Variants in LDB2 observed in about 807,000 individuals in gnomAD.
LDB2 encodes LIM domain-binding protein 2.
Under a neutral mutation model 44.3 loss-of-function variants are expected in LDB2, and 12 were observed. The observed-to-expected ratio is 0.27, with a 90% CI of 0.17 to 0.44. The LOEUF is 0.44. Among genes scored for constraint, LDB2 ranks in the 20% least tolerant of loss-of-function variants. The pLI is 1.00. For synonymous variants in LDB2, 164 were observed against 174.8 expected (o/e 0.94, Z 0.49); for missense variants, 344 against 473.5 (o/e 0.73, Z 2.54).
intron 1 of LDB2, among the ~76,000 whole-genome samples, chr4:16,760,482 T>G (rs57152706): frequency 6.6e-6 from 1 of 152,102 alleles, no homozygotes; most frequent in Non-Finnish European, 1.5e-5. Context: ...CCAATCACCA[T>G]AGCAAAAGCC....
intron 2 of LDB2, among the ~76,000 whole-genome samples, chr4:16,742,105 C>G (rs558420043): frequency 2.2e-5 from 3 of 134,636 alleles, no homozygotes; most frequent in Non-Finnish European, 4.6e-5. Context: ...GAGTGTCTCA[C>G]TCTGTTGCCA....
At chr4:16,689,348 G>A (rs559845358) in intron 2 of LDB2, among the ~76,000 whole-genome samples, 2 of 152,220 alleles carry the variant, frequency 1.3e-5, no homozygotes, top group Non-Finnish European at 2.9e-5. Flanking sequence ...AATTCCTACC[G>A]ATTCCTTAAG....
chr4:16,746,101 T>C (rs1764331991), intron 2 of LDB2, among the ~76,000 whole-genome samples: 1 of 152,188 alleles, frequency 6.6e-6, no homozygotes, highest in African/African-American at 2.4e-5. Context: ...ATATTGACCA[T>C]GGGCCTTTCT....
At chr4:16,603,449 C>T (rs1306842476) in intron 2 of LDB2, among the ~76,000 whole-genome samples, 1 of 152,082 alleles carries the variant, frequency 6.6e-6, no homozygotes, top group African/African-American at 2.4e-5. Flanking sequence ...GGTATATTCC[C>T]GTGATCTAGG....
chr4:16,816,260 A>G (rs2109915166), intron 1 of LDB2, among the ~76,000 whole-genome samples: 1 of 152,286 alleles, frequency 6.6e-6, no homozygotes, highest in East Asian at 1.9e-4. Flanking sequence ...CAAATGCTGT[A>G]TGTGTGGATA....
intron 2 of LDB2, among the ~76,000 whole-genome samples, chr4:16,676,768 A>G (rs1320920131): frequency 6.6e-6 from 1 of 152,202 alleles, no homozygotes; most frequent in Admixed American, 6.5e-5. Context: ...TATAAGCTAT[A>G]AATACTGTAG....
chr4:16,809,431 C>T (rs910656155), intron 1 of LDB2, among the ~76,000 whole-genome samples: 4 of 152,112 alleles, frequency 2.6e-5, no homozygotes, highest in African/African-American at 9.7e-5. Flanking sequence ...CCGGTATGGT[C>T]TCGAGCTTTC....
chr4:16,675,966 G>C (rs748299843), intron 2 of LDB2, among the ~76,000 whole-genome samples: 2 of 152,174 alleles, frequency 1.3e-5, no homozygotes, highest in Non-Finnish European at 2.9e-5. Context: ...CAGAGGAAGA[G>C]GGAATATTTG....
At chr4:16,713,038 A>G (rs1337880417) in intron 2 of LDB2, among the ~76,000 whole-genome samples, 2 of 152,254 alleles carry the variant, frequency 1.3e-5, no homozygotes, top group Non-Finnish European at 2.9e-5. Context: ...GAACGAAGTA[A>G]TGATACATGC....
At chr4:16,669,784 C>T (rs1578637632) in intron 2 of LDB2, among the ~76,000 whole-genome samples, 1 of 152,124 alleles carries the variant, frequency 6.6e-6, no homozygotes, top group East Asian at 1.9e-4. Context: ...CTTAATGAAC[C>T]TTCACTTTCC....
intron 5 of LDB2, among the ~76,000 whole-genome samples, chr4:16,549,663 C>A (rs1736952225): frequency 6.6e-6 from 1 of 152,140 alleles, no homozygotes; most frequent in African/African-American, 2.4e-5. Context: ...GAAAGACCTG[C>A]AATGTTACCC....
Position 16,674,304 on chromosome 4 carries a change from G to A in LDB2, c.236-78429C>T, listed in dbSNP as rs140874057. The A allele has an allele frequency of 7.0e-4, 891 of 1,275,482 alleles. 2 individuals carry two copies. In the African/African-American group the frequency reaches 0.012, roughly 17 times the overall value. 79.0% of individuals were successfully genotyped at this position (1,275,482 alleles called of 1,614,324 possible). On this transcript the variant is annotated intron_variant, in intron 2 of 7. Coordinates refer to ENST00000304523, the MANE Select transcript of LDB2 (RefSeq NM_001290.5). ...CTGGTTGCAGTTTCCTCTGGCATCT[G>A]CCGCTGAATGCACAACTGCAGAAAG...
chr4:16,790,365 G>T (rs899177820), intron 1 of LDB2, among the ~76,000 whole-genome samples: 2 of 152,134 alleles, frequency 1.3e-5, no homozygotes, highest in Non-Finnish European at 2.9e-5. Flanking sequence ...ACAACAGACT[G>T]CCTATGTGAC....
intron 1 of LDB2, among the ~76,000 whole-genome samples, chr4:16,846,509 T>G (rs963975475): frequency 2.6e-5 from 4 of 152,236 alleles, no homozygotes; most frequent in African/African-American, 9.6e-5. Flanking sequence ...TTTTATGGCC[T>G]GAATGCATGG....
intron 1 of LDB2, among the ~76,000 whole-genome samples, chr4:16,763,085 A>G (rs1254268774): frequency 7.0e-6 from 1 of 142,924 alleles, no homozygotes; most frequent in East Asian, 2.0e-4. Context: ...ACACACACAC[A>G]CACACACACA....
At chr4:16,739,613 T>TAC (rs1762619838) in intron 2 of LDB2, among the ~76,000 whole-genome samples, 1 of 87,368 alleles carries the variant, frequency 1.1e-5, no homozygotes, top group African/African-American at 4.6e-5. Context: ...TATATATGTA[T>TAC]ATATACATGT....
At chr4:16,581,319 G>T in intron 5 of LDB2, 2 of 746,900 alleles carry the variant, frequency 2.7e-6, no homozygotes, top group Non-Finnish European at 1.6e-6. Context: ...AACTTGCCCA[G>T]GGTCACACAG....
chr4:16,871,766 G>A (rs1050366882), intron 1 of LDB2, among the ~76,000 whole-genome samples: 5 of 125,738 alleles, frequency 4.0e-5, no homozygotes, highest in South Asian at 2.2e-4. Context: ...GATCACAGGC[G>A]CCCACCACCA....
chr4:16,606,772 C>G (rs1164911058), intron 2 of LDB2, among the ~76,000 whole-genome samples: 1 of 152,134 alleles, frequency 6.6e-6, no homozygotes, highest in East Asian at 1.9e-4. Flanking sequence ...TCAAAGTTGC[C>G]AAACTCTAAG....
Sources: gnomAD v4.1 joint callset for allele counts (sites outside exome capture counted in the v4.1 genomes callset) on GRCh38, gnomAD v4.1.1 for gene constraint, MANE v1.5 for transcripts, NCBI Gene and HGNC (gene_info 2026-07-23, HGNC 2026-07-21) for gene names.